PKP4: variants seen among roughly 807,000 people sequenced by gnomAD.
PKP4 encodes plakophilin-4.
In PKP4, 90 loss-of-function variants were observed where a neutral mutation model predicts 145.1. That is an observed-to-expected ratio of 0.62 (90% confidence interval 0.52 to 0.74). PKP4 has a LOEUF of 0.74. PKP4 is among the 30% of genes least tolerant of loss of function. PKP4 has a pLI of 0.00. For synonymous variants in PKP4, 563 were observed against 577.2 expected (o/e 0.98, Z 0.35); for missense variants, 1,340 against 1,482.7 (o/e 0.90, Z 1.58).
At chr2:158,628,582 A>G (rs1282989273) in intron 7 of PKP4, among the ~76,000 whole-genome samples, 2 of 152,204 alleles carry the variant, frequency 1.3e-5, no homozygotes, top group African/African-American at 2.4e-5. Flanking sequence ...AGCCTATCAC[A>G]TAATAGTAAT....
intron 1 of PKP4, among the ~76,000 whole-genome samples, chr2:158,463,046 A>G (rs72931477): frequency 6.6e-6 from 1 of 152,196 alleles, no homozygotes; most frequent in Non-Finnish European, 1.5e-5. Flanking sequence ...ATGGATTTCA[A>G]CAGGATATTT....
rs551107474 is a variant in PKP4, at chr2:158,678,466, G to A, written c.3257-115G>A. 40 of 755,084 alleles carry A rather than the reference G, an allele frequency of 5.3e-5. No individual in the cohort carries two copies. The African/African-American group carries it at 6.1e-4, about 12-fold the overall frequency. The allele number at this position is 755,084 out of a possible 1,614,324, so 46.8% of individuals were successfully genotyped here. A position where few individuals can be genotyped will look rare whatever the true frequency, so the allele number is the denominator to read the frequency against. On this transcript the variant is annotated intron_variant, in intron 20 of 21. Coordinates refer to ENST00000389759, the MANE Select transcript of PKP4 (RefSeq NM_003628.6). ...ACCTCTCCCAGCCCGCATTGGCACTGGGGAAGACAGGCCCTGTCGGGGACA... is the reference window on the plus strand; with the variant it reads ...ACCTCTCCCAGCCCGCATTGGCACTAGGGAAGACAGGCCCTGTCGGGGACA...
chr2:158,666,907 G>A (rs2057140804), intron 16 of PKP4, among the ~76,000 whole-genome samples: 2 of 152,248 alleles, frequency 1.3e-5, no homozygotes, highest in Non-Finnish European at 2.9e-5. Flanking sequence ...TTTTTGGACT[G>A]CTACCTGCTA....
intron 1 of PKP4, among the ~76,000 whole-genome samples, chr2:158,485,463 C>T (rs1163501887): frequency 1.3e-5 from 2 of 152,224 alleles, no homozygotes; most frequent in African/African-American, 4.8e-5. Context: ...TAACCTATAA[C>T]ACCACTGTTC....
At chr2:158,476,235 G>C (rs933130882) in intron 1 of PKP4, among the ~76,000 whole-genome samples, 1 of 152,114 alleles carries the variant, frequency 6.6e-6, no homozygotes, top group African/African-American at 2.4e-5. Context: ...TCATGTTATT[G>C]GTTTTCATCC....
chr2:158,488,053 T>G (rs1694426217), intron 1 of PKP4, among the ~76,000 whole-genome samples: 1 of 152,180 alleles, frequency 6.6e-6, no homozygotes, highest in Non-Finnish European at 1.5e-5. Flanking sequence ...CCCTTTATGT[T>G]TTTCAATCTG....
intron 7 of PKP4, among the ~76,000 whole-genome samples, chr2:158,630,576 T>C (rs995345472): frequency 5.9e-5 from 9 of 152,378 alleles, no homozygotes; most frequent in Admixed American, 3.9e-4. Context: ...TGTGAGTTAA[T>C]TGACATTTCA....
At chr2:158,592,295 G>C (rs2049337081) in intron 3 of PKP4, among the ~76,000 whole-genome samples, 1 of 151,942 alleles carries the variant, frequency 6.6e-6, no homozygotes, top group Non-Finnish European at 1.5e-5. Flanking sequence ...ACTTTTCTAG[G>C]ATCCAGATGT....
In PKP4 at chr2:158,592,646, AG is replaced by A. The variant is rs2049374799; in HGVS notation, c.246-10423del. 2.0e-5 allele frequency among the ~76,000 whole-genome samples: 3 copies of A among 152,292 alleles called. No homozygotes were observed. The South Asian group carries it at 6.2e-4, about 32-fold the overall frequency. On this transcript the variant is annotated intron_variant, in intron 3 of 21. Coordinates refer to ENST00000389759, the MANE Select transcript of PKP4 (RefSeq NM_003628.6). ...TCTTTACTCTGGATAATTAGTAGAC[AG>A]AAAGTGAATATCATTCTTTAGACAC...
intron 11 of PKP4, among the ~76,000 whole-genome samples, chr2:158,650,508 T>C (rs780511960): frequency 9.9e-5 from 15 of 152,198 alleles, no homozygotes; most frequent in Non-Finnish European, 1.6e-4. Flanking sequence ...CTAACCCTTA[T>C]ATTCTCTAAA....
chr2:158,511,095 T>A (rs2041467604), intron 1 of PKP4, among the ~76,000 whole-genome samples: 1 of 152,108 alleles, frequency 6.6e-6, no homozygotes, highest in Admixed American at 6.5e-5. Flanking sequence ...CTGCCGAAAC[T>A]CACGTCAGGG....
At chr2:158,477,729 A>G (rs1213041408) in intron 1 of PKP4, among the ~76,000 whole-genome samples, 1 of 152,194 alleles carries the variant, frequency 6.6e-6, no homozygotes, top group East Asian at 1.9e-4. Flanking sequence ...CCTGTAATCA[A>G]CGCTACTTGG....
intron 6 of PKP4, among the ~76,000 whole-genome samples, chr2:158,624,512 G>GC (rs2052563500): frequency 6.6e-6 from 1 of 152,134 alleles, no homozygotes; most frequent in Non-Finnish European, 1.5e-5. Context: ...TTGTTCTGGT[G>GC]CCCCTTCACG....
At chr2:158,485,133 C>T (rs754905943) in intron 1 of PKP4, among the ~76,000 whole-genome samples, 1 of 152,180 alleles carries the variant, frequency 6.6e-6, no homozygotes, top group Non-Finnish European at 1.5e-5. Context: ...CCACCCTTCT[C>T]TATAATTAGA....
intron 1 of PKP4, among the ~76,000 whole-genome samples, chr2:158,519,409 T>G (rs896551840): frequency 6.6e-6 from 1 of 152,186 alleles, no homozygotes; most frequent in African/African-American, 2.4e-5. Context: ...GTCTGAGGCC[T>G]GCTCTGTCTG....
chr2:158,660,943 G>A (rs2105976306), intron 12 of PKP4: 1 of 161,316 alleles, frequency 6.2e-6, no homozygotes, highest in South Asian at 1.7e-4. Context: ...CCACCTTCTG[G>A]GAAGGAGGCA....
Position 158,494,719 on chromosome 2 carries a change from A to G in PKP4, c.-6+37501A>G, listed in dbSNP as rs1267510480. ...AAACAGCAAATGATTTTTTATAACC[A>G]AATAGAGATTTTAGTTTTGCTATTT... On this transcript the variant is annotated intron_variant, in intron 1 of 21. Coordinates refer to ENST00000389759, the MANE Select transcript of PKP4 (RefSeq NM_003628.6). Among the ~76,000 whole-genome samples the G allele has an allele frequency of 2.0e-5, 3 of 152,206 alleles. No homozygotes were observed. In the East Asian group the frequency reaches 5.8e-4, roughly 29 times the overall value.
intron 11 of PKP4, among the ~76,000 whole-genome samples, chr2:158,654,251 G>C (rs2055687462): frequency 6.6e-6 from 1 of 152,162 alleles, no homozygotes; most frequent in Non-Finnish European, 1.5e-5. Context: ...ACAATGCAGG[G>C]TGATAAAGCT....
chr2:158,640,622 T>C lies in PKP4; in HGVS notation c.1563-5T>C, dbSNP rs548855161. ...CCTTTCTGAAGCCATGTTTTTCTCA[T>C]GTAGGGAGTTTGCCTGGCGTGATCC... is the stretch of plus-strand genomic sequence containing the variant. On this transcript the variant is annotated splice_polypyrimidine_tract_variant and splice_region_variant and intron_variant, in intron 9 of 21. Coordinates refer to ENST00000389759, the MANE Select transcript of PKP4 (RefSeq NM_003628.6). 39 of 1,612,586 alleles carry C rather than the reference T, an allele frequency of 2.4e-5. No individual in the cohort carries two copies. Among genetic ancestry groups the C allele is most frequent in the Non-Finnish European group, 3.1e-5 (36 of 1,179,830 alleles).
Sources: gnomAD v4.1 joint callset for allele counts (sites outside exome capture counted in the v4.1 genomes callset) on GRCh38, gnomAD v4.1.1 for gene constraint, MANE v1.5 for transcripts, NCBI Gene and HGNC (gene_info 2026-07-23, HGNC 2026-07-21) for gene names.